Variants in RCOR1 observed in about 807,000 individuals in gnomAD.
RCOR1 encodes the protein REST corepressor.
Under a neutral mutation model 64.0 loss-of-function variants are expected in RCOR1, and 12 were observed. That is an observed-to-expected ratio of 0.19 (90% CI 0.12 to 0.30). The LOEUF (loss-of-function observed/expected upper bound fraction) is 0.30. Among genes scored for constraint, RCOR1 ranks in the 10% least tolerant of loss-of-function variants. RCOR1 has a pLI of 1.00. For synonymous variants in RCOR1, 279 were observed against 227.2 expected, an observed-to-expected ratio of 1.23 and a Z score of -2.05; for missense variants, 502 against 621.2, an observed-to-expected ratio of 0.81 and a Z score of 2.04.
At chr14:102,611,311 C>T (rs991794117) in intron 2 of RCOR1, among the ~76,000 whole-genome samples, 10 of 151,900 alleles carry the variant, frequency 6.6e-5, no homozygotes, top group Admixed American at 2.6e-4. Flanking sequence ...TCTGGTGATC[C>T]TCCCACTTTG....
At chr14:102,676,506 G>GCCCCCC (rs1300087638) in intron 2 of RCOR1, among the ~76,000 whole-genome samples, 1 of 33,614 alleles carries the variant, frequency 3.0e-5, no homozygotes, top group African/African-American at 1.7e-4. Flanking sequence ...GCGGCTGGCC[G>GCCCCCC]ACCCCCCCCC....
chr14:102,615,056 C>T (rs932729595), intron 2 of RCOR1, among the ~76,000 whole-genome samples: 3 of 151,952 alleles, frequency 2.0e-5, no homozygotes, highest in African/African-American at 7.3e-5. Flanking sequence ...TGGTCTCGAT[C>T]TCTTGACCTC....
chr14:102,663,688 T>TA (rs1189881259), intron 2 of RCOR1, among the ~76,000 whole-genome samples: 1 of 152,192 alleles, frequency 6.6e-6, no homozygotes, highest in East Asian at 1.9e-4. Context: ...ATTAGTGTGT[T>TA]ACATTACTGA....
intron 8 of RCOR1, 31 bp downstream of exon 8, chr14:102,714,648 GAATT>G (rs753589665): frequency 4.0e-6 from 6 of 1,506,108 alleles, no homozygotes; most frequent in Non-Finnish European, 5.4e-6. Flanking sequence ...GGATGTAAAA[GAATT>G]AATTAGCACT....
At chr14:102,648,659 T>TAA (rs1214052479) in intron 2 of RCOR1, among the ~76,000 whole-genome samples, 2 of 152,226 alleles carry the variant, frequency 1.3e-5, no homozygotes, top group South Asian at 2.1e-4. Context: ...CACATATATA[T>TAA]AACCATGAAT....
At chr14:102,623,267 A>G (rs565890785) in intron 2 of RCOR1, among the ~76,000 whole-genome samples, 3 of 152,038 alleles carry the variant, frequency 2.0e-5, no homozygotes, top group African/African-American at 4.8e-5. Flanking sequence ...CTTTGCATTG[A>G]TTTAGTATTT....
At chr14:102,677,766 A>G (rs1287867277) in intron 2 of RCOR1, among the ~76,000 whole-genome samples, 1,012 of 113,420 alleles carry the variant, frequency 8.9e-3, no homozygotes, top group East Asian at 0.026. Context: ...ATGGGGGGCC[A>G]GGCAGAGACG....
In RCOR1 at chr14:102,592,669, G is replaced by A. The variant is rs1849426449; in HGVS notation, c.-218G>A. On this transcript the variant is annotated 5_prime_UTR_variant, in exon 1 of 12. Coordinates refer to ENST00000262241, the MANE Select transcript of RCOR1 (RefSeq NM_015156.4). ...TAGTTGGTGCCAGTGAAGTGAGGGC[G>A]GCGATGAGAGCGAAAGTTGCGCTCG... is the stretch of plus-strand genomic sequence containing the variant. The A allele has an allele frequency of 2.4e-6, 3 of 1,228,472 alleles. No individual in the cohort carries two copies. Among genetic ancestry groups the A allele is most frequent in the South Asian group, 4.1e-5 (1 of 24,286 alleles). The allele number at this position is 1,228,472 out of a possible 1,614,324, so 76.1% of individuals were successfully genotyped here.
chr14:102,605,680 C>T (rs183589157), intron 2 of RCOR1, among the ~76,000 whole-genome samples: 2 of 152,238 alleles, frequency 1.3e-5, no homozygotes, highest in East Asian at 3.9e-4. Context: ...CTATGCTATA[C>T]TTTGTATGGT....
rs563539896 is a variant in RCOR1, at chr14:102,727,868, C to A, written c.*1362C>A. On this transcript the variant is annotated 3_prime_UTR_variant, in exon 12 of 12. Transcript: ENST00000262241. ...TGCTGAGGGTTGAGCAGACAGCCTG[C>A]ATTCTAACATACCCTGTTCCCACCC... is the stretch of plus-strand genomic sequence containing the variant. The A allele has an allele frequency of 1.3e-4, 20 of 152,596 alleles. No individual in the cohort carries two copies. Among genetic ancestry groups the A allele is most frequent in the African/African-American group, 4.8e-4 (20 of 41,566 alleles). 9.5% of individuals were successfully genotyped at this position (152,596 alleles called of 1,614,324 possible).
chr14:102,707,264 G>A (rs1420131129), intron 4 of RCOR1, 87 bp from the exon 5 acceptor site: 1 of 1,129,882 alleles, frequency 8.9e-7, no homozygotes, highest in Non-Finnish European at 1.3e-6. Context: ...TAAATATGAA[G>A]TCGTTTTTAC....
chr14:102,704,888 G>T (rs1252986820), intron 4 of RCOR1, among the ~76,000 whole-genome samples: 1 of 152,158 alleles, frequency 6.6e-6, no homozygotes, highest in Non-Finnish European at 1.5e-5. Flanking sequence ...TACTTGGGAG[G>T]ATGAGATGGG....
At chr14:102,692,712 C>CCTTCCTTCCTTT (rs1895560033) in intron 3 of RCOR1, among the ~76,000 whole-genome samples, 1 of 107,892 alleles carries the variant, frequency 9.3e-6, no homozygotes, top group Non-Finnish European at 1.8e-5. Flanking sequence ...CTACATCTCT[C>CCTTCCTTCCTTT]CTTCCTTCCT....
At chr14:102,697,368 C>A (rs545125087) in intron 3 of RCOR1, among the ~76,000 whole-genome samples, 1 of 152,186 alleles carries the variant, frequency 6.6e-6, no homozygotes, top group Non-Finnish European at 1.5e-5. Context: ...GAATTTGACC[C>A]GGGTCTTTCT....
intron 2 of RCOR1, among the ~76,000 whole-genome samples, chr14:102,674,700 C>T (rs1895103502): frequency 6.6e-6 from 1 of 152,154 alleles, no homozygotes; most frequent in Admixed American, 6.6e-5. Flanking sequence ...TTGATGGCAA[C>T]TGGTAATTGC....
intron 2 of RCOR1, chr14:102,658,492 TAATAAA>T (rs761436669): frequency 1.0e-6 from 1 of 980,022 alleles, no homozygotes; most frequent in Non-Finnish European, 1.2e-6. Context: ...AAAAAAATAA[TAATAAA>T]AATGGTTTTC....
intron 4 of RCOR1, 76 bp from the exon 5 acceptor site, chr14:102,707,275 T>A: frequency 3.1e-6 from 4 of 1,276,832 alleles, no homozygotes; most frequent in East Asian, 2.5e-5. Context: ...TCGTTTTTAC[T>A]TTTCTTTTGC....
intron 8 of RCOR1, among the ~76,000 whole-genome samples, chr14:102,719,053 A>G (rs1391256879): frequency 1.3e-5 from 2 of 152,010 alleles, no homozygotes; most frequent in Non-Finnish European, 1.5e-5. Flanking sequence ...TGGCCTCCCA[A>G]AGGGCTGTGA....
intron 2 of RCOR1, among the ~76,000 whole-genome samples, chr14:102,636,821 A>G (rs1894249518): frequency 6.6e-6 from 1 of 151,860 alleles, no homozygotes; most frequent in Non-Finnish European, 1.5e-5. Flanking sequence ...AAATACAAAA[A>G]TTAGCTGGGC....
Sources: allele counts gnomAD v4.1 joint callset (sites outside exome capture counted in the v4.1 genomes callset), GRCh38; gene constraint gnomAD v4.1.1; transcripts MANE v1.5; gene names NCBI Gene and HGNC (gene_info 2026-07-23, HGNC 2026-07-21).